GALNT17: variants seen among roughly 807,000 people sequenced by gnomAD.
GALNT17 encodes the protein UDP-GalNAc:polypeptide N-acetylgalactosaminyltransferase-like 3.
In GALNT17, 29 loss-of-function variants were observed where a neutral mutation model predicts 63.7. That is an observed-to-expected ratio of 0.46 (90% CI 0.34 to 0.62). The LOEUF is 0.62. Ranked by LOEUF, GALNT17 falls within the 20% of genes least tolerant of loss-of-function variation. The pLI is 0.01. For synonymous variants in GALNT17, 305 were observed against 318.3 expected (o/e 0.96, Z 0.45); for missense variants, 603 against 799.6 (o/e 0.75, Z 2.97).
chr7:71,364,404 C>G (rs991313452), intron 2 of GALNT17, among the ~76,000 whole-genome samples: 2 of 152,132 alleles, frequency 1.3e-5, no homozygotes. Flanking sequence ...ACTCAGTGCC[C>G]TCCACCAATA....
At chr7:71,599,658 A>G (rs1425738451) in intron 6 of GALNT17, among the ~76,000 whole-genome samples, 1 of 151,842 alleles carries the variant, frequency 6.6e-6, no homozygotes, top group Non-Finnish European at 1.5e-5. Context: ...TCACCTAGAC[A>G]TTGATATCTG....
At chr7:71,492,054 G>T (rs1788019027) in intron 5 of GALNT17, among the ~76,000 whole-genome samples, 1 of 148,166 alleles carries the variant, frequency 6.7e-6, no homozygotes, top group Non-Finnish European at 1.5e-5. Flanking sequence ...GGCCAAGGTG[G>T]GCAGATCATG....
At chr7:71,169,599 A>G (rs1168704216) in intron 1 of GALNT17, among the ~76,000 whole-genome samples, 7 of 152,204 alleles carry the variant, frequency 4.6e-5, no homozygotes, top group South Asian at 2.1e-4. Context: ...ACTGTTGCTC[A>G]GGCTAGAGTA....
intron 1 of GALNT17, among the ~76,000 whole-genome samples, chr7:71,145,096 C>T (rs542048618): frequency 2.0e-5 from 3 of 152,196 alleles, no homozygotes; most frequent in South Asian, 2.1e-4. Context: ...GATTGGTCAG[C>T]ATAAGAGGGA....
chr7:71,219,668 G>A (rs192306738), intron 1 of GALNT17, among the ~76,000 whole-genome samples: 4 of 152,014 alleles, frequency 2.6e-5, no homozygotes, highest in African/African-American at 9.7e-5. Context: ...TCTTTCCCTC[G>A]ATTCTCTGAG....
chr7:71,474,858 G>A lies in GALNT17; in HGVS notation c.962+53753G>A, dbSNP rs968741741. Among the ~76,000 whole-genome samples, 5 of 152,270 alleles carry A rather than the reference G, an allele frequency of 3.3e-5. No homozygotes were observed. In the East Asian group the frequency reaches 7.7e-4, roughly 24 times the overall value. On this transcript the variant is annotated intron_variant, in intron 5 of 10. Transcript: ENST00000333538. ...CACTCCACAACAGTCTCCAGATGGG[G>A]AGATTATACTGGATTTTCCAGGTGG...
intron 5 of GALNT17, among the ~76,000 whole-genome samples, chr7:71,432,462 A>C (rs1045140757): frequency 1.3e-5 from 2 of 152,174 alleles, no homozygotes; most frequent in Non-Finnish European, 2.9e-5. Flanking sequence ...AGCATCGTCC[A>C]GGGCCTTGGC....
chr7:71,209,024 C>T (rs117863530), intron 1 of GALNT17, among the ~76,000 whole-genome samples: 1,772 of 152,298 alleles, frequency 0.012, 19 homozygotes, highest in South Asian at 0.032. Context: ...GTCATAACTA[C>T]GCAACTGTGC....
intron 1 of GALNT17, among the ~76,000 whole-genome samples, chr7:71,247,828 T>G (rs1790126866): frequency 6.6e-6 from 1 of 152,204 alleles, no homozygotes; most frequent in African/African-American, 2.4e-5. Context: ...GTATGTCATA[T>G]GTATTGTATA....
intron 1 of GALNT17, among the ~76,000 whole-genome samples, chr7:71,187,724 A>G (rs1305292930): frequency 1.3e-5 from 2 of 152,068 alleles, no homozygotes; most frequent in South Asian, 2.1e-4. Context: ...TGAAGACCCA[A>G]TTACTTTTTT....
chr7:71,385,641 G>C (rs768790931), intron 2 of GALNT17, among the ~76,000 whole-genome samples: 1 of 152,154 alleles, frequency 6.6e-6, no homozygotes, highest in South Asian at 2.1e-4. Context: ...CATCCCCCTT[G>C]AAGGGAAATC....
At chr7:71,491,391 C>T (rs562296816) in intron 5 of GALNT17, among the ~76,000 whole-genome samples, 3 of 152,144 alleles carry the variant, frequency 2.0e-5, no homozygotes, top group Admixed American at 6.5e-5. Context: ...CGCCTTCTCT[C>T]CAACAGTTGC....
intron 5 of GALNT17, among the ~76,000 whole-genome samples, chr7:71,479,467 A>C (rs984725345): frequency 1.3e-5 from 2 of 152,160 alleles, no homozygotes; most frequent in African/African-American, 4.8e-5. Flanking sequence ...TTCAAAGGAC[A>C]CTCTGGTAGT....
intron 8 of GALNT17, among the ~76,000 whole-genome samples, chr7:71,675,201 A>T (rs1212962794): frequency 1.3e-5 from 2 of 152,022 alleles, no homozygotes; most frequent in Middle Eastern, 3.2e-3. Context: ...AAAATAAAAA[A>T]GAAGCTCTCC....
chr7:71,188,414 A>T (rs112648441), intron 1 of GALNT17, among the ~76,000 whole-genome samples: 11,916 of 152,064 alleles, frequency 0.078, 557 homozygotes, highest in Middle Eastern at 0.13. Context: ...TTTTTTGATT[A>T]TGGCGATTCT....
chr7:71,711,308 G>T (rs1248162725), intron 10 of GALNT17, among the ~76,000 whole-genome samples: 1 of 118,060 alleles, frequency 8.5e-6, no homozygotes, highest in African/African-American at 3.2e-5. Context: ...CCCCACCAAC[G>T]CTCCTCACCT....
intron 6 of GALNT17, among the ~76,000 whole-genome samples, chr7:71,642,557 CTG>C (rs1790618983): frequency 6.6e-6 from 1 of 152,174 alleles, no homozygotes; most frequent in Non-Finnish European, 1.5e-5. Flanking sequence ...AGATTCTTGA[CTG>C]GGTGCAGTGA....
intron 1 of GALNT17, among the ~76,000 whole-genome samples, chr7:71,176,586 G>T (rs1464524893): frequency 6.6e-6 from 1 of 152,074 alleles, no homozygotes; most frequent in Non-Finnish European, 1.5e-5. Context: ...CATCAGGATG[G>T]GTTCATGAAC....
intron 5 of GALNT17, among the ~76,000 whole-genome samples, chr7:71,473,275 A>G (rs181533228): frequency 6.6e-6 from 1 of 152,288 alleles, no homozygotes; most frequent in Non-Finnish European, 1.5e-5. Flanking sequence ...GAGAGAATAG[A>G]TGTTAAATAT....
Sources: allele counts gnomAD v4.1 joint callset (sites outside exome capture counted in the v4.1 genomes callset), GRCh38; gene constraint gnomAD v4.1.1; transcripts MANE v1.5; gene names NCBI Gene and HGNC (gene_info 2026-07-23, HGNC 2026-07-21).